CEP128: variants seen among roughly 807,000 people sequenced by gnomAD.
CEP128 encodes centrosomal protein 128, also known as centrosomal protein 128kDa.
Under a neutral mutation model 156.7 loss-of-function variants are expected in CEP128, and 132 were observed. The ratio of observed to expected loss-of-function variants is 0.84; its 90% CI spans 0.73 to 0.97. The LOEUF (loss-of-function observed/expected upper bound fraction) is 0.97. CEP128 is among the 50% of genes least tolerant of loss of function. CEP128 has a pLI of 0.00. For synonymous variants in CEP128, 469 were observed against 448.9 expected (o/e 1.04, Z -0.57); for missense variants, 1,252 against 1,281.9 (o/e 0.98, Z 0.36).
chr14:80,895,610 G>A, intron 8 of CEP128, 108 bp downstream of exon 8: 2 of 644,382 alleles, frequency 3.1e-6, no homozygotes, highest in Non-Finnish European at 5.0e-6. Context: ...GACAAAATGG[G>A]ACATACCACC....
intron 13 of CEP128, among the ~76,000 whole-genome samples, chr14:80,803,567 T>C (rs982994238): frequency 7.2e-5 from 11 of 152,150 alleles, no homozygotes; most frequent in Admixed American, 3.9e-4. Flanking sequence ...AGCACTGTCT[T>C]CTTTCAGGAT....
chr14:80,604,452 C>G (rs1892700768), intron 19 of CEP128, among the ~76,000 whole-genome samples: 1 of 152,110 alleles, frequency 6.6e-6, no homozygotes, highest in African/African-American at 2.4e-5. Context: ...TTAGTACATG[C>G]TTTATAAAGG....
At chr14:80,619,997 C>T (rs1448483293) in intron 19 of CEP128, among the ~76,000 whole-genome samples, 8 of 151,594 alleles carry the variant, frequency 5.3e-5, no homozygotes, top group Admixed American at 2.0e-4. Context: ...TGGTGGTGGG[C>T]GCCTGTAACC....
At chr14:80,724,998 C>CATATATATATACATATATGATATATAT (rs1566878624) in intron 19 of CEP128, among the ~76,000 whole-genome samples, 65 of 143,794 alleles carry the variant, frequency 4.5e-4, no homozygotes, top group African/African-American at 1.5e-3. Flanking sequence ...ATACATATAT[C>CATATATATATACATATATGATATATAT]ATATATATAT....
Position 80,953,988 on chromosome 14 carries a change from G to T in CEP128, c.-172+4190C>A, listed in dbSNP as rs372746462. On this transcript the variant is annotated intron_variant, in intron 2 of 7. Coordinates refer to the CEP128 transcript ENST00000555529. ...AATTTTTAAAAAAACAACAACAAAAGCCCGGGTGCGGTGGCTCAAGCCTGT... is the reference window on the plus strand; with the variant it reads ...AATTTTTAAAAAAACAACAACAAAATCCCGGGTGCGGTGGCTCAAGCCTGT... Among the ~76,000 whole-genome samples the T allele has an allele frequency of 1.2e-4, 19 of 152,252 alleles. No individual in the cohort carries two copies. In the East Asian group the frequency reaches 2.1e-3, roughly 17 times the overall value.
intron 8 of CEP128, among the ~76,000 whole-genome samples, chr14:80,870,245 C>T (rs1887960826): frequency 6.6e-6 from 1 of 152,010 alleles, no homozygotes; most frequent in Non-Finnish European, 1.5e-5. Flanking sequence ...CCAACCTCAT[C>T]CTATGAGGCC....
rs949115376 is a variant in CEP128 at position 80,883,926 on chromosome 14, A to G, written c.645+11792T>C. Reference sequence around the variant, plus strand: ...ATACAAAACCCAGAAGCACATCCATACAATCACAGCAAACTCATTCTAGAC... The same window carrying G: ...ATACAAAACCCAGAAGCACATCCATGCAATCACAGCAAACTCATTCTAGAC... On this transcript the variant is annotated intron_variant, in intron 8 of 24. Coordinates refer to ENST00000555265, the MANE Select transcript of CEP128 (RefSeq NM_152446.5). Among the ~76,000 whole-genome samples the G allele has an allele frequency of 3.9e-5, 6 of 152,306 alleles. No individual in the cohort carries two copies. The South Asian group carries it at 1.2e-3, about 32-fold the overall frequency.
At chr14:80,594,723 GCTC>G (rs1430413318) in intron 19 of CEP128, among the ~76,000 whole-genome samples, 3 of 152,172 alleles carry the variant, frequency 2.0e-5, no homozygotes, top group African/African-American at 7.2e-5. Flanking sequence ...ATGAAAAAAA[GCTC>G]ATCATCACTG....
intron 21 of CEP128, among the ~76,000 whole-genome samples, chr14:80,547,642 A>G (rs1890040424): frequency 6.6e-6 from 1 of 152,194 alleles, no homozygotes; most frequent in African/African-American, 2.4e-5. Flanking sequence ...CAGTGTTGAG[A>G]CATAGTAGGG....
intron 18 of CEP128, among the ~76,000 whole-genome samples, chr14:80,744,439 G>A (rs1340005875): frequency 6.6e-6 from 1 of 152,122 alleles, no homozygotes; most frequent in African/African-American, 2.4e-5. Flanking sequence ...ATGATATATA[G>A]AGTTCTGTAG....
intron 2 of CEP128, among the ~76,000 whole-genome samples, chr14:80,927,128 C>T (rs1024827760): frequency 5.3e-5 from 8 of 152,154 alleles, no homozygotes; most frequent in Non-Finnish European, 1.0e-4. Flanking sequence ...GTGGTCTGGC[C>T]GTCAGAAACT....
In CEP128 at chr14:80,792,759, C is replaced by T; in HGVS notation, c.1560+1G>A. The T allele has an allele frequency of 6.2e-7, 1 of 1,611,820 alleles. No individual in the cohort carries two copies. The highest frequency in any genetic ancestry group is 2.2e-5 in the East Asian group (1 of 44,864). On this transcript the variant is annotated splice_donor_variant, in intron 14 of 24. Transcript: ENST00000555265. LOFTEE classifies it high-confidence loss of function. ...GTTCCTTAGGAATGTGGCTTTTATA[C>T]CTGATTATTCTTGCCTGTCAGTTCA...
At chr14:80,665,487 C>T (rs6574598) in intron 19 of CEP128, among the ~76,000 whole-genome samples, 133,273 of 152,202 alleles carry the variant, frequency 0.88, 58,556 homozygotes, top group East Asian at 0.97. Context: ...GATAGAGGTA[C>T]AATCAAACTC....
chr14:80,766,837 T>C (rs1032620425), intron 16 of CEP128, among the ~76,000 whole-genome samples: 2 of 151,814 alleles, frequency 1.3e-5, no homozygotes, highest in Non-Finnish European at 2.9e-5. Flanking sequence ...GGATAAAAGG[T>C]AGAGAAAGAG....
At chr14:80,686,657 T>C (rs1020483149) in intron 19 of CEP128, among the ~76,000 whole-genome samples, 1 of 152,162 alleles carries the variant, frequency 6.6e-6, no homozygotes, top group East Asian at 1.9e-4. Context: ...TTAAGACCCA[T>C]TGGTGTGCTC....
At chr14:80,736,269 A>C (rs900817993) in intron 19 of CEP128, among the ~76,000 whole-genome samples, 5 of 151,132 alleles carry the variant, frequency 3.3e-5, no homozygotes, top group Non-Finnish European at 5.9e-5. Context: ...AAAAAAAAAA[A>C]ACACAGCAAA....
intron 22 of CEP128, chr14:80,527,238 G>T: frequency 1.9e-6 from 1 of 515,796 alleles, no homozygotes; most frequent in Non-Finnish European, 3.7e-6. Flanking sequence ...AGACCAGCCT[G>T]GGCAACATGG....
chr14:80,714,114 C>T (rs1174039087), intron 19 of CEP128, among the ~76,000 whole-genome samples: 3 of 152,078 alleles, frequency 2.0e-5, no homozygotes, highest in South Asian at 2.1e-4. Flanking sequence ...GTATTCTTTT[C>T]CACTATAGCA....
intron 13 of CEP128, among the ~76,000 whole-genome samples, chr14:80,823,962 G>A (rs1357711259): frequency 6.6e-6 from 1 of 152,282 alleles, no homozygotes; most frequent in Admixed American, 6.5e-5. Context: ...TGCCTCTGCA[G>A]CAAGCTTCTG....
Sources: gnomAD v4.1 joint callset for allele counts (sites outside exome capture counted in the v4.1 genomes callset) on GRCh38, gnomAD v4.1.1 for gene constraint, MANE v1.5 for transcripts, NCBI Gene and HGNC (gene_info 2026-07-23, HGNC 2026-07-21) for gene names.